Variants in CENPE observed in about 807,000 individuals in gnomAD.
CENPE encodes the protein centromere-associated protein E.
Under a neutral mutation model 336.1 loss-of-function variants are expected in CENPE, and 145 were observed. That is an observed-to-expected ratio of 0.43 (90% confidence interval 0.38 to 0.50). The LOEUF is 0.50. Among genes scored for constraint, CENPE ranks in the 20% least tolerant of loss-of-function variants. The pLI, the probability that CENPE is intolerant of heterozygous loss-of-function variation, is 0.00. For synonymous variants in CENPE, 1,013 were observed against 984.8 expected (o/e 1.03, Z -0.54); for missense variants, 2,719 against 3,023.3 (o/e 0.90, Z 2.36).
At chr4:103,163,619 A>C in intron 16 of CENPE, 66 bp from the exon 17 acceptor site, 1 of 781,798 alleles carries the variant, frequency 1.3e-6, no homozygotes, top group Non-Finnish European at 1.9e-6. Context: ...AAAAAAAAAA[A>C]AAAAAAGAAA....
chr4:103,107,239 T>C (rs981665345), intron 48 of CENPE, among the ~76,000 whole-genome samples: 1 of 152,212 alleles, frequency 6.6e-6, no homozygotes, highest in African/African-American at 2.4e-5. Flanking sequence ...GGTCCTTAAA[T>C]GTTTGTTAAA....
At chr4:103,182,417 A>AT (rs1189378052) in intron 11 of CENPE, among the ~76,000 whole-genome samples, 1 of 151,948 alleles carries the variant, frequency 6.6e-6, no homozygotes, top group Non-Finnish European at 1.5e-5. Flanking sequence ...CAGACACACA[A>AT]TTTTTTTTGT....
intron 29 of CENPE, among the ~76,000 whole-genome samples, chr4:103,146,391 T>C (rs1474098496): frequency 6.6e-6 from 1 of 152,362 alleles, no homozygotes; most frequent in South Asian, 2.1e-4. Context: ...AAGATAGATA[T>C]GATGTTGAAT....
chr4:103,175,831 T>G (rs1050316814), intron 15 of CENPE, 129 bp downstream of exon 15: 2 of 554,648 alleles, frequency 3.6e-6, no homozygotes, highest in African/African-American at 4.0e-5. Context: ...AGTAGAAATG[T>G]AAAGAGAAAA....
intron 34 of CENPE, 117 bp from the exon 35 acceptor site, chr4:103,142,025 T>G: frequency 1.5e-6 from 1 of 682,988 alleles, no homozygotes; most frequent in Non-Finnish European, 2.4e-6. Context: ...ATCTTTGCTG[T>G]TGTTTTTAAG....
At chr4:103,116,517 T>A (rs554635645) in intron 45 of CENPE, 60 bp downstream of exon 45, 16 of 752,826 alleles carry the variant, frequency 2.1e-5, no homozygotes, top group South Asian at 1.7e-4. Flanking sequence ...GAAAAGTATA[T>A]GTAGTTTAGG....
chr4:103,196,869 C>T lies in CENPE; in HGVS notation c.57-19G>A, dbSNP rs374972262. ...TTCTTCTCTAAAAGAATAAAAACAC[C>T]GCATTTTAACCAGTCATAAAAGTCA... On this transcript the variant is annotated intron_variant, in intron 1 of 48. Coordinates refer to ENST00000265148, the MANE Select transcript of CENPE (RefSeq NM_001813.3). 8.3e-4 allele frequency: 1,000 copies of T among 1,202,592 alleles called. 5 individuals carry two copies. The highest frequency in any genetic ancestry group is 3.7e-4 in the Non-Finnish European group (302 of 810,116). The allele number at this position is 1,202,592 out of a possible 1,614,324, so 74.5% of individuals were successfully genotyped here. A position where few individuals can be genotyped will look rare whatever the true frequency, so the allele number is the denominator to read the frequency against.
Position 103,159,337 on chromosome 4 carries a change from A to T in CENPE, c.2287-13T>A. 2 of 1,370,082 alleles carry T rather than the reference A, an allele frequency of 1.5e-6. No individual in the cohort carries two copies. The highest frequency in any genetic ancestry group is 3.3e-5 in the South Asian group (2 of 59,738). The allele number at this position is 1,370,082 out of a possible 1,614,324, so 84.9% of individuals were successfully genotyped here. Reference sequence around the variant, plus strand: ...ATTTGTCTTGTATCTATGGAAAAGAAATAAAATTTAGGGATGTTAGCAACA... The same window carrying T: ...ATTTGTCTTGTATCTATGGAAAAGATATAAAATTTAGGGATGTTAGCAACA... On this transcript the variant is annotated splice_polypyrimidine_tract_variant and intron_variant, in intron 21 of 48. Coordinates refer to ENST00000265148, the MANE Select transcript of CENPE (RefSeq NM_001813.3).
intron 46 of CENPE, among the ~76,000 whole-genome samples, chr4:103,113,828 G>C (rs2720451): frequency 0.16 from 24,412 of 150,858 alleles, 2,349 homozygotes; most frequent in Non-Finnish European, 0.2. Flanking sequence ...CTGCATCTTA[G>C]TTCAGTACTT....
intron 46 of CENPE, among the ~76,000 whole-genome samples, chr4:103,112,772 G>A (rs1464695358): frequency 2.6e-5 from 2 of 77,034 alleles, no homozygotes; most frequent in Non-Finnish European, 4.6e-5. Context: ...ATACTTATAA[G>A]TATATAAGTG....
At chr4:103,190,198 G>A (rs1454947494) in intron 8 of CENPE, among the ~76,000 whole-genome samples, 10 of 152,232 alleles carry the variant, frequency 6.6e-5, no homozygotes, top group Middle Eastern at 6.8e-3. Flanking sequence ...AATCAATATC[G>A]TGAAAATGGC....
rs767253321 is a variant in CENPE, at chr4:103,109,099, G to T, written c.7725-10C>A. On this transcript the variant is annotated splice_polypyrimidine_tract_variant and intron_variant, in intron 47 of 48. Transcript: ENST00000265148. ...AAGATGCTGATTATTGCTTAAATGT[G>T]GGGGAAGAAAAGAGAGACTGTAAGA... 14 of 1,594,756 alleles carry T rather than the reference G, an allele frequency of 8.8e-6. No homozygotes were observed. The African/African-American group carries it at 1.9e-4, about 22-fold the overall frequency.
At position 103,196,326 on chromosome 4, in the gene CENPE, G is replaced by A. The variant is rs138572597; in HGVS notation, c.149-74C>T. 577 of 1,080,862 alleles carry A rather than the reference G, an allele frequency of 5.3e-4. 2 individuals are homozygous for A. In the African/African-American group the frequency reaches 8.0e-3, roughly 15 times the overall value. The allele number at this position is 1,080,862 out of a possible 1,614,324, so 67.0% of individuals were successfully genotyped here. On this transcript the variant is annotated intron_variant, in intron 2 of 48. Coordinates refer to ENST00000265148, the MANE Select transcript of CENPE (RefSeq NM_001813.3). ...TCCACTGTGTTTTCATTCCAAATTA[G>A]TAATTATTCCCAAAAGTAAAACTGT...
chr4:103,187,285 G>C (rs1756864103), intron 8 of CENPE, among the ~76,000 whole-genome samples: 1 of 152,058 alleles, frequency 6.6e-6, no homozygotes, highest in Non-Finnish European at 1.5e-5. Context: ...TCAAATTCAG[G>C]AAATACAGAG....
intron 9 of CENPE, 93 bp downstream of exon 9, chr4:103,185,717 A>G: frequency 1.5e-6 from 1 of 652,674 alleles, no homozygotes; most frequent in South Asian, 2.5e-5. Flanking sequence ...GAATATAATT[A>G]CTTTATCAAT....
intron 38 of CENPE, among the ~76,000 whole-genome samples, chr4:103,138,948 CA>C (rs1328786633): frequency 6.6e-6 from 1 of 152,226 alleles, no homozygotes. Context: ...GTAGTTTTAA[CA>C]GTGGCACTTG....
rs1322266057 is a variant in CENPE at position 103,120,268 on chromosome 4, C to A, written c.7209G>T (p.Lys2403Asn). 3 of 1,612,390 alleles carry A rather than the reference C, an allele frequency of 1.9e-6. No individual in the cohort carries two copies. Among genetic ancestry groups the A allele is most frequent in the Non-Finnish European group, 2.5e-6 (3 of 1,179,478 alleles). Residue 2403 changes from lysine to asparagine, a missense_variant, in exon 44 of 49, where the codon AAG (lysine) becomes AAT (asparagine). Lys to Asn is a moderately conservative substitution (Grantham distance 94, BLOSUM62 0). Coordinates refer to ENST00000265148, the MANE Select transcript of CENPE (RefSeq NM_001813.3). ...AKESAMHKES[K>N]IIKMQKELEV... ...CAAGTTCTTTCTGCATCTTTATAAT[C>A]TTGCTTTCCTTATGCATAGCACTTT...
At chr4:103,152,114 T>C (rs1753617135) in intron 25 of CENPE, among the ~76,000 whole-genome samples, 1 of 150,602 alleles carries the variant, frequency 6.6e-6, no homozygotes, top group South Asian at 2.1e-4. Context: ...CAATTAAAAA[T>C]AAAATTTAAA....
rs1752914786 is a variant in CENPE, at chr4:103,145,180, T to C, written c.4727A>G (p.Asn1576Ser). The C allele has an allele frequency of 2.5e-6, 4 of 1,613,644 alleles. No homozygotes were observed. Among genetic ancestry groups the C allele is most frequent in the Non-Finnish European group, 3.4e-6 (4 of 1,179,808 alleles). Residue 1576 changes from asparagine (N) to serine (S), a missense_variant, in exon 32 of 49, where the codon AAC becomes AGC. Physicochemically the swap from Asn to Ser is conservative, Grantham distance 46. Coordinates refer to ENST00000265148, the MANE Select transcript of CENPE (RefSeq NM_001813.3). ...SIESKMLELT[N>S]RLQESQEEIQ... is the part of the protein sequence containing the mutation. ...TTCTTCTTGACTTTCTTGAAGTCTG[T>C]TGGTCAACTCGAGCATCTTACTTTC...
Sources: gnomAD v4.1 joint callset for allele counts (sites outside exome capture counted in the v4.1 genomes callset) on GRCh38, gnomAD v4.1.1 for gene constraint, MANE v1.5 for transcripts, NCBI Gene and HGNC (gene_info 2026-07-23, HGNC 2026-07-21) for gene names.